ADAP2: variants seen among roughly 807,000 people sequenced by gnomAD.
ADAP2 encodes arf-GAP with dual PH domain-containing protein 2.
Under a neutral mutation model 54.9 loss-of-function variants are expected in ADAP2, and 42 were observed. The observed-to-expected ratio is 0.77, with a 90% CI of 0.60 to 0.99. ADAP2 has a LOEUF of 0.99. Among genes scored for constraint, ADAP2 ranks in the 50% least tolerant of loss-of-function variants. The pLI is 0.00. For synonymous variants in ADAP2, 177 were observed against 180.1 expected, an observed-to-expected ratio of 0.98 and a Z score of 0.14; for missense variants, 429 against 480.4, an observed-to-expected ratio of 0.89 and a Z score of 1.00.
At chr17:30,950,119 G>T (rs1190602569) in intron 7 of ADAP2, among the ~76,000 whole-genome samples, 1 of 152,192 alleles carries the variant, frequency 6.6e-6, no homozygotes, top group Admixed American at 6.5e-5. Context: ...GGAAGGGCAG[G>T]TGAATAACCA....
intron 2 of ADAP2, 139 bp downstream of exon 2, chr17:30,923,209 G>A (rs1278059722): frequency 2.1e-6 from 2 of 968,816 alleles, no homozygotes; most frequent in East Asian, 2.5e-5. Flanking sequence ...CAGCTTATAA[G>A]ATGGCAGCTT....
intron 4 of ADAP2, among the ~76,000 whole-genome samples, chr17:30,932,619 C>T (rs1374194593): frequency 6.6e-6 from 1 of 150,662 alleles, no homozygotes; most frequent in Non-Finnish European, 1.5e-5. Context: ...CTCTTGTTGC[C>T]CAGGGTGGAG....
intron 6 of ADAP2, among the ~76,000 whole-genome samples, chr17:30,948,128 C>T (rs977474954): frequency 2.6e-5 from 4 of 152,074 alleles, no homozygotes; most frequent in African/African-American, 4.8e-5. Context: ...CAGAATGTCC[C>T]GAGAGGAAGG....
chr17:30,926,719 CCTT>C (rs1032010381), intron 2 of ADAP2, 105 bp from the exon 3 acceptor site: 43 of 940,280 alleles, frequency 4.6e-5, no homozygotes, highest in Non-Finnish European at 7.3e-5. Context: ...TGGGACATCT[CCTT>C]CTTGGAGGCA....
Position 30,956,584 on chromosome 17 carries a change from T to C in ADAP2, c.1111+115T>C. ...AAAGATTCCTGATTCCTGACTATGC[T>C]CTTTTCATTGTCTTCTCTTCCTGCA... On this transcript the variant is annotated intron_variant, in intron 10 of 10. Transcript: ENST00000330889. 3 of 967,384 alleles carry C rather than the reference T, an allele frequency of 3.1e-6. No homozygotes were observed. In the Admixed American group the frequency reaches 7.0e-5, roughly 23 times the overall value. The allele number at this position is 967,384 out of a possible 1,614,324, so 59.9% of individuals were successfully genotyped here.
intron 5 of ADAP2, among the ~76,000 whole-genome samples, chr17:30,944,669 AG>A (rs1387996364): frequency 6.6e-6 from 1 of 152,028 alleles, no homozygotes; most frequent in Non-Finnish European, 1.5e-5. Context: ...CAAGTTGGCC[AG>A]GCTGGTTTCA....
chr17:30,954,946 C>T lies in ADAP2; in HGVS notation c.882+391C>T, dbSNP rs569062900. ...CCACTTGTAGTAGTGTTGCCTTGAGCCGTGTACTTAGTGCTCTGTGCCTCG... is the reference window on the plus strand; with the variant it reads ...CCACTTGTAGTAGTGTTGCCTTGAGTCGTGTACTTAGTGCTCTGTGCCTCG... On this transcript the variant is annotated intron_variant, in intron 9 of 10. Coordinates refer to ENST00000330889, the MANE Select transcript of ADAP2 (RefSeq NM_018404.3). Among the ~76,000 whole-genome samples, 3 of 152,198 alleles carry T rather than the reference C, an allele frequency of 2.0e-5. No homozygotes were observed. In the South Asian group the frequency reaches 6.2e-4, roughly 32 times the overall value.
chr17:30,949,553 C>T (rs1402733636), intron 7 of ADAP2, among the ~76,000 whole-genome samples, 183 bp downstream of exon 7: 25 of 151,902 alleles, frequency 1.6e-4, no homozygotes, highest in African/African-American at 3.1e-4. Flanking sequence ...TCGAGACCAT[C>T]CTGGCTAGCA....
intron 4 of ADAP2, among the ~76,000 whole-genome samples, chr17:30,933,274 A>T (rs1376869437): frequency 6.7e-6 from 1 of 149,006 alleles, no homozygotes; most frequent in Non-Finnish European, 1.5e-5. Context: ...TGCAACTTCC[A>T]CATCCCAGGT....
At chr17:30,957,689 C>T (rs147423075) in intron 10 of ADAP2, 146 bp from the exon 11 acceptor site, 16,319 of 720,774 alleles carry the variant, frequency 0.023, 262 homozygotes, top group Non-Finnish European at 0.03. Flanking sequence ...CCTCGGCCTC[C>T]CAAAGTGCTG....
chr17:30,932,381 T>C (rs1911560683), intron 4 of ADAP2, among the ~76,000 whole-genome samples: 2 of 151,738 alleles, frequency 1.3e-5, no homozygotes, highest in African/African-American at 4.8e-5. Flanking sequence ...TACAGGCACA[T>C]GCCACCATAC....
chr17:30,956,102 A>G, intron 9 of ADAP2, 139 bp from the exon 10 acceptor site: 1 of 673,958 alleles, frequency 1.5e-6, no homozygotes, highest in South Asian at 1.9e-5. Flanking sequence ...TGATCTTTCA[A>G]ATTCTGGGTC....
intron 5 of ADAP2, among the ~76,000 whole-genome samples, chr17:30,936,281 A>C (rs1191845386): frequency 6.6e-6 from 1 of 152,048 alleles, no homozygotes; most frequent in Non-Finnish European, 1.5e-5. Context: ...CGGTCTCTCA[A>C]AGCACTGGGA....
chr17:30,953,231 G>T (rs1453729223), intron 7 of ADAP2, 57 bp from the exon 8 acceptor site: 1 of 1,579,744 alleles, frequency 6.3e-7, no homozygotes, highest in Non-Finnish European at 8.7e-7. Flanking sequence ...CAAGCTCGGC[G>T]GGAACCTGGA....
intron 5 of ADAP2, among the ~76,000 whole-genome samples, chr17:30,938,990 G>T (rs1267669580): frequency 2.6e-5 from 4 of 152,052 alleles, no homozygotes; most frequent in Non-Finnish European, 4.4e-5. Context: ...AATATAAAAG[G>T]TCTGTCCAAT....
At chr17:30,924,370 CAAA>C (rs796527911) in intron 2 of ADAP2, among the ~76,000 whole-genome samples, 2 of 131,036 alleles carry the variant, frequency 1.5e-5, no homozygotes, top group Non-Finnish European at 3.3e-5. Flanking sequence ...GACCCTACCT[CAAA>C]AAAAAAAAAA....
At chr17:30,936,465 T>C (rs1435773764) in intron 5 of ADAP2, among the ~76,000 whole-genome samples, 1 of 152,174 alleles carries the variant, frequency 6.6e-6, no homozygotes, top group African/African-American at 2.4e-5. Context: ...GCCAGGCCCA[T>C]ATCTGTCTTT....
intron 8 of ADAP2, among the ~76,000 whole-genome samples, chr17:30,953,586 G>C (rs560837912): frequency 6.6e-6 from 1 of 152,218 alleles, no homozygotes; most frequent in African/African-American, 2.4e-5. Flanking sequence ...ACCCAGGCCA[G>C]AGTACAGTGG....
chr17:30,949,655 A>G (rs980658181), intron 7 of ADAP2, among the ~76,000 whole-genome samples: 3 of 149,320 alleles, frequency 2.0e-5, no homozygotes, highest in African/African-American at 7.6e-5. Flanking sequence ...AGGCTGAGGC[A>G]GGAGAATGGT....
Sources: gnomAD v4.1 joint callset for allele counts (sites outside exome capture counted in the v4.1 genomes callset) on GRCh38, gnomAD v4.1.1 for gene constraint, MANE v1.5 for transcripts, NCBI Gene and HGNC (gene_info 2026-07-23, HGNC 2026-07-21) for gene names.